The following CNTN3 variants were observed in gnomAD, a reference collection of about 807,000 sequenced individuals.
CNTN3 encodes contactin-3.
In CNTN3, 60 loss-of-function variants were observed where a neutral mutation model predicts 119.1. The observed-to-expected ratio is 0.50, with a 90% CI of 0.41 to 0.62. The LOEUF (loss-of-function observed/expected upper bound fraction) is 0.62, where lower values mean the gene tolerates loss of function less well. Ranked by LOEUF, CNTN3 falls within the 20% of genes least tolerant of loss-of-function variation. The pLI is 0.00. For missense variants in CNTN3, 1,101 were observed against 1,242.4 expected (o/e 0.89, Z 1.71); for synonymous variants, 450 against 438.7 (o/e 1.03, Z -0.32).
intron 5 of CNTN3, among the ~76,000 whole-genome samples, chr3:74,404,033 T>C (rs1705261468): frequency 6.6e-6 from 1 of 152,152 alleles, no homozygotes; most frequent in Non-Finnish European, 1.5e-5. Flanking sequence ...TTCTCTGTCT[T>C]TTCCTATTTA....
rs572486533 is a variant in CNTN3 at position 74,301,605 on chromosome 3, C to T, written c.1945+42G>A. 14 of 1,611,658 alleles carry T rather than the reference C, an allele frequency of 8.7e-6. No individual in the cohort carries two copies. The African/African-American group carries it at 1.9e-4, about 22-fold the overall frequency. On this transcript the variant is annotated intron_variant, in intron 15 of 22. Transcript: ENST00000263665. ...CCTGCTTTAGCATTGACTTGAAATC[C>T]ATTTATATGTGTGCAGATGACATCT...
chr3:74,336,740 G>T, intron 11 of CNTN3, 82 bp from the exon 12 acceptor site: 3 of 1,137,160 alleles, frequency 2.6e-6, no homozygotes, highest in South Asian at 1.8e-5. Flanking sequence ...TACAGAACAT[G>T]TTGCCTTAAG....
At chr3:74,517,051 C>T (rs1021681190) in intron 2 of CNTN3, among the ~76,000 whole-genome samples, 1 of 151,822 alleles carries the variant, frequency 6.6e-6, no homozygotes, top group South Asian at 2.1e-4. Context: ...CAGGCCAGAC[C>T]TTAACAGTCC....
At chr3:74,543,111 C>A (rs988669494) in intron 1 of CNTN3, among the ~76,000 whole-genome samples, 1 of 151,890 alleles carries the variant, frequency 6.6e-6, no homozygotes, top group Non-Finnish European at 1.5e-5. Context: ...CCCTGGGCAA[C>A]TGAGCAAGAC....
intron 18 of CNTN3, among the ~76,000 whole-genome samples, chr3:74,297,199 T>C (rs564448127): frequency 5.3e-5 from 8 of 152,152 alleles, no homozygotes; most frequent in Non-Finnish European, 1.0e-4. Context: ...AACTTAGGAC[T>C]AGGGTAGCTC....
intron 1 of CNTN3, among the ~76,000 whole-genome samples, chr3:74,540,813 A>C (rs1703832773): frequency 6.6e-6 from 1 of 152,162 alleles, no homozygotes; most frequent in Non-Finnish European, 1.5e-5. Context: ...AAGTGTTCCT[A>C]TTTAATCAAT....
At chr3:74,389,699 A>T (rs115622471) in intron 5 of CNTN3, among the ~76,000 whole-genome samples, 1 of 152,094 alleles carries the variant, frequency 6.6e-6, no homozygotes, top group Non-Finnish European at 1.5e-5. Context: ...CTCAGGCATA[A>T]TAAGTGGGGG....
intron 2 of CNTN3, among the ~76,000 whole-genome samples, chr3:74,515,567 G>A (rs1390112338): frequency 6.6e-6 from 1 of 152,056 alleles, no homozygotes; most frequent in East Asian, 1.9e-4. Flanking sequence ...ATTAGTATGT[G>A]TTCACTATTC....
intron 11 of CNTN3, among the ~76,000 whole-genome samples, chr3:74,350,153 A>C (rs573107139): frequency 1.6e-4 from 25 of 152,328 alleles, no homozygotes; most frequent in South Asian, 4.1e-4. Context: ...GAATTTACTT[A>C]AGAAGGTTGA....
chr3:74,560,554 A>G (rs1704137648), intron 1 of CNTN3, among the ~76,000 whole-genome samples: 1 of 152,176 alleles, frequency 6.6e-6, no homozygotes, highest in Admixed American at 6.5e-5. Flanking sequence ...CCTCCAGGCT[A>G]GCATTCTAGT....
In CNTN3 at chr3:74,364,462, C is replaced by A; in HGVS notation, c.1213+5G>T. On this transcript the variant is annotated splice_donor_5th_base_variant and intron_variant, in intron 10 of 22. Transcript: ENST00000263665. ...TAAGAGAAGAGCAGAGAAAATCAGC[C>A]TTACCAACAACTTTGAGCTCAGCAC... 6.2e-7 allele frequency: 1 copy of A among 1,608,920 alleles called. No individual in the cohort carries two copies. Among genetic ancestry groups the A allele is most frequent in the South Asian group, 1.1e-5 (1 of 90,408 alleles).
chr3:74,545,388 T>C (rs1225656939), intron 1 of CNTN3, among the ~76,000 whole-genome samples: 2 of 152,202 alleles, frequency 1.3e-5, no homozygotes, highest in Non-Finnish European at 2.9e-5. Flanking sequence ...GTGAAAACTA[T>C]CTTTTTGGAA....
chr3:74,435,988 G>A (rs13064307), intron 4 of CNTN3, among the ~76,000 whole-genome samples: 59,452 of 152,004 alleles, frequency 0.39, 12,095 homozygotes, highest in East Asian at 0.56. Flanking sequence ...CTGCTAAAAC[G>A]CCTATACACA....
Position 74,334,824 on chromosome 3 carries a change from G to A in CNTN3, c.1579C>T (p.Pro527Ser), listed in dbSNP as rs753584276. Residue 527 changes from proline (P) to serine (S), a missense_variant, in exon 13 of 23, where the codon CCG becomes TCG. Physicochemically the swap from Pro to Ser is moderately conservative, Grantham distance 74 (BLOSUM62 -1). Coordinates refer to ENST00000263665, the MANE Select transcript of CNTN3 (RefSeq NM_020872.3). ...CAGGTAAAGATGATGTCTAACAGCG[G>A]GTCATGTTGTACCTGGCAGGGCAAT... ...VILPCQVQHD[P>S]LLDIIFTWYF... 1.2e-6 allele frequency: 2 copies of A among 1,613,222 alleles called. No homozygotes were observed. The highest frequency in any genetic ancestry group is 1.7e-6 in the Non-Finnish European group (2 of 1,179,388).
At chr3:74,497,286 T>C (rs965595502) in intron 3 of CNTN3, among the ~76,000 whole-genome samples, 1 of 151,966 alleles carries the variant, frequency 6.6e-6, no homozygotes, top group Non-Finnish European at 1.5e-5. Flanking sequence ...TTTTAAAGAA[T>C]AATGTGAAAT....
chr3:74,384,737 AAC>A (rs990593519), intron 5 of CNTN3, among the ~76,000 whole-genome samples: 1 of 152,186 alleles, frequency 6.6e-6, no homozygotes, highest in Non-Finnish European at 1.5e-5. Context: ...AAGTAAAAGA[AAC>A]ACATCTATTT....
At chr3:74,491,643 G>T (rs1342514325) in intron 3 of CNTN3, among the ~76,000 whole-genome samples, 1 of 152,040 alleles carries the variant, frequency 6.6e-6, no homozygotes, top group East Asian at 1.9e-4. Flanking sequence ...CAACTGTCTG[G>T]GCTTCATGAA....
Position 74,375,967 on chromosome 3 carries a change from GTCCTTAGAA to G in CNTN3, c.455-4577_455-4569del, listed in dbSNP as rs532211412. Among the ~76,000 whole-genome samples, 250 of 152,244 alleles carry G rather than the reference GTCCTTAGAA, an allele frequency of 1.6e-3. 1 individual carries two copies. The highest frequency in any genetic ancestry group is 5.2e-3 in the African/African-American group (217 of 41,554). On this transcript the variant is annotated intron_variant, in intron 5 of 22. Coordinates refer to ENST00000263665, the MANE Select transcript of CNTN3 (RefSeq NM_020872.3). ...TGGTAGGCCCACTGTAATCACCAGG[GTCCTTAGAA>G]GGGAAAGAGAGGGGCAGGAGAGTCA...
At chr3:74,369,751 C>A (rs1704291107) in intron 7 of CNTN3, 138 bp downstream of exon 7, 5 of 577,022 alleles carry the variant, frequency 8.7e-6, no homozygotes, top group Non-Finnish European at 1.2e-5. Context: ...GTGCATTTCC[C>A]CTGCATTTTG....
Sources: allele counts gnomAD v4.1 joint callset (sites outside exome capture counted in the v4.1 genomes callset), GRCh38; gene constraint gnomAD v4.1.1; transcripts MANE v1.5; gene names NCBI Gene and HGNC (gene_info 2026-07-23, HGNC 2026-07-21).